Variants in FRMPD4 observed in about 807,000 individuals in gnomAD.
FRMPD4 encodes the protein FERM and PDZ domain-containing protein 4.
In FRMPD4, 22 loss-of-function variants were observed where a neutral mutation model predicts 94.1. The observed-to-expected ratio is 0.23, with a 90% CI of 0.17 to 0.33. The LOEUF (loss-of-function observed/expected upper bound fraction) is 0.33. Among genes scored for constraint, FRMPD4 ranks in the 10% least tolerant of loss-of-function variants. The probability of loss-of-function intolerance (pLI) is 1.00; values close to 1 mark genes in which losing one functional copy is unlikely to be tolerated. For synonymous variants in FRMPD4, 631 were observed against 548.6 expected (o/e 1.15, Z -2.10); for missense variants, 1,111 against 1,339.9 (o/e 0.83, Z 2.67).
At chrX:12,185,164 AT>A (rs1386204678) in intron 1 of FRMPD4, among the ~76,000 whole-genome samples, 1 of 112,018 alleles carries the variant, frequency 8.9e-6, no homozygotes, top group East Asian at 2.8e-4. Context: ...AGTGAAGTTT[AT>A]TTAGTTAATA....
intron 1 of FRMPD4, among the ~76,000 whole-genome samples, chrX:11,852,704 C>T (rs1430218852): frequency 9.0e-6 from 1 of 110,848 alleles, no homozygotes; most frequent in Admixed American, 9.6e-5. Flanking sequence ...ACAAGAAGAC[C>T]TAAAAATCCT....
intron 1 of FRMPD4, among the ~76,000 whole-genome samples, chrX:12,331,947 T>TATTTATATACTATATATAAATTATATA (rs1412430848): frequency 2.3e-4 from 9 of 38,535 alleles, no homozygotes; most frequent in African/African-American, 1.0e-3. Flanking sequence ...AAATTATATA[T>TATTTATATACTATATATAAATTATATA]ATTTATATAC....
intron 3 of FRMPD4, among the ~76,000 whole-genome samples, chrX:11,944,884 G>A (rs969213265): frequency 8.9e-6 from 1 of 112,489 alleles, no homozygotes; most frequent in African/African-American, 3.2e-5. Flanking sequence ...GTGTGCTACT[G>A]CTGAGGAAAG....
intron 3 of FRMPD4, among the ~76,000 whole-genome samples, chrX:11,955,526 C>T (rs1039768224): frequency 7.3e-5 from 8 of 109,447 alleles, no homozygotes; most frequent in Non-Finnish European, 1.3e-4. Flanking sequence ...CCGAGGTGGG[C>T]GGATCACGAG....
intron 3 of FRMPD4, among the ~76,000 whole-genome samples, chrX:12,095,556 C>G (rs2055192012): frequency 9.0e-6 from 1 of 111,068 alleles, no homozygotes; most frequent in African/African-American, 3.3e-5. Flanking sequence ...ATGTTGCCCA[C>G]AAAGCCTAAA....
intron 4 of FRMPD4, among the ~76,000 whole-genome samples, chrX:12,670,717 C>T (rs902902406): frequency 3.6e-5 from 4 of 111,987 alleles, no homozygotes; most frequent in Admixed American, 9.4e-5. Flanking sequence ...GCAATGGCTA[C>T]GAAAGCCAAA....
intron 1 of FRMPD4, among the ~76,000 whole-genome samples, chrX:12,344,269 G>A (rs1480874784): frequency 9.0e-6 from 1 of 111,600 alleles, no homozygotes; most frequent in East Asian, 2.8e-4. Context: ...GAGGTCTTCG[G>A]TGTGAATGTA....
intron 3 of FRMPD4, among the ~76,000 whole-genome samples, chrX:12,126,803 G>A (rs2055504216): frequency 9.0e-6 from 1 of 111,397 alleles, no homozygotes; most frequent in Non-Finnish European, 1.9e-5. Context: ...TGTTTTAGAT[G>A]CCCCAGCCCT....
chrX:12,617,604 A>G (rs1602216374), intron 4 of FRMPD4, among the ~76,000 whole-genome samples: 1 of 112,430 alleles, frequency 8.9e-6, no homozygotes, highest in East Asian at 2.8e-4. Flanking sequence ...CTCAGCTGAT[A>G]TATGTTTTAA....
intron 3 of FRMPD4, among the ~76,000 whole-genome samples, chrX:12,094,058 G>T (rs2147500147): frequency 8.9e-6 from 1 of 112,387 alleles, no homozygotes; most frequent in South Asian, 3.7e-4. Flanking sequence ...CTTCTCATTT[G>T]CAGTGGCCAT....
intron 1 of FRMPD4, among the ~76,000 whole-genome samples, chrX:12,295,502 C>G (rs1358288459): frequency 8.9e-6 from 1 of 111,949 alleles, no homozygotes; most frequent in Non-Finnish European, 1.9e-5. Context: ...CTGTAAGGTA[C>G]TTAGAATTTA....
intron 3 of FRMPD4, among the ~76,000 whole-genome samples, chrX:12,078,384 G>A (rs1291134406): frequency 8.9e-6 from 1 of 112,190 alleles, no homozygotes; most frequent in Non-Finnish European, 1.9e-5. Context: ...TACAAGAATG[G>A]ATTCATTGCA....
chrX:12,156,485 G>A (rs898912898), intron 1 of FRMPD4, among the ~76,000 whole-genome samples: 5 of 111,545 alleles, frequency 4.5e-5, no homozygotes, highest in East Asian at 2.8e-4. Flanking sequence ...TAATAATTAC[G>A]GACTGATTCA....
chrX:12,074,758 A>T (rs1396288993), intron 3 of FRMPD4, among the ~76,000 whole-genome samples: 1 of 112,758 alleles, frequency 8.9e-6, no homozygotes, highest in East Asian at 2.8e-4. Context: ...GAGATGGAAA[A>T]TACATTTGCT....
intron 2 of FRMPD4, among the ~76,000 whole-genome samples, chrX:12,551,924 C>A (rs959222603): frequency 9.0e-6 from 1 of 111,436 alleles, no homozygotes; most frequent in African/African-American, 3.3e-5. Flanking sequence ...CTGAAAAACT[C>A]CCCCTCATCA....
intron 2 of FRMPD4, among the ~76,000 whole-genome samples, chrX:12,598,105 G>A (rs747752912): frequency 3.6e-5 from 4 of 112,078 alleles, no homozygotes; most frequent in Non-Finnish European, 3.8e-5. Flanking sequence ...ACTGATCTCA[G>A]TGCTGTTTTT....
intron 1 of FRMPD4, among the ~76,000 whole-genome samples, chrX:12,143,050 G>A (rs897036958): frequency 6.2e-5 from 7 of 112,330 alleles, no homozygotes; most frequent in Non-Finnish European, 1.3e-4. Context: ...TGGTGAACTA[G>A]AAATGTATCT....
chrX:11,898,123 G>C (rs945295571), intron 3 of FRMPD4, among the ~76,000 whole-genome samples: 1 of 111,585 alleles, frequency 9.0e-6, no homozygotes, highest in African/African-American at 3.3e-5. Context: ...TGAAAGGTGT[G>C]TGTGTGTATT....
At chrX:12,585,436 G>T (rs759478857) in intron 2 of FRMPD4, among the ~76,000 whole-genome samples, 5 of 110,055 alleles carry the variant, frequency 4.5e-5, no homozygotes, top group Non-Finnish European at 7.6e-5. Context: ...GGCCAGGCTG[G>T]TCTCGAACTC....
Sources: gnomAD v4.1 joint callset for allele counts (sites outside exome capture counted in the v4.1 genomes callset) on GRCh38, gnomAD v4.1.1 for gene constraint, MANE v1.5 for transcripts, NCBI Gene and HGNC (gene_info 2026-07-23, HGNC 2026-07-21) for gene names.